Variants in CXorf58 observed in about 807,000 individuals in gnomAD.
CXorf58 encodes the protein chromosome X open reading frame 58.
A neutral mutation model predicts 26.0 loss-of-function variants in CXorf58; 24 were observed. That is an observed-to-expected ratio of 0.92 (90% CI 0.67 to 1.30). CXorf58 has a LOEUF of 1.30. Ranked by LOEUF, CXorf58 falls within the 50% of genes most tolerant of loss-of-function variation. The probability of loss-of-function intolerance (pLI) is 0.00; values close to 1 mark genes in which losing one functional copy is unlikely to be tolerated. For synonymous variants in CXorf58, 87 were observed against 86.1 expected (o/e 1.01, Z -0.06); for missense variants, 236 against 263.9 (o/e 0.89, Z 0.73).
intron 4 of CXorf58, 63 bp downstream of exon 4, chrX:23,915,857 T>C: frequency 6.3e-6 from 4 of 634,670 alleles, no homozygotes; most frequent in Non-Finnish European, 9.7e-6. Flanking sequence ...ATCTTAGATA[T>C]GGATTTTTTA....
At chrX:23,922,833 A>G (rs1219945864) in intron 5 of CXorf58, among the ~76,000 whole-genome samples, 8 of 112,494 alleles carry the variant, frequency 7.1e-5, no homozygotes, top group Non-Finnish European at 1.5e-4. Context: ...GAAACAGGAA[A>G]GTGTCTTGAG....
intron 6 of CXorf58, among the ~76,000 whole-genome samples, chrX:23,931,622 G>A (rs754433825): frequency 2.8e-4 from 31 of 112,229 alleles, no homozygotes; most frequent in Admixed American, 1.3e-3. Flanking sequence ...CCATAAAAAT[G>A]ACCAGCAAAT....
chrX:23,932,038 G>A (rs1486964043), intron 6 of CXorf58, among the ~76,000 whole-genome samples: 2 of 112,120 alleles, frequency 1.8e-5, no homozygotes, highest in Non-Finnish European at 3.8e-5. Context: ...GAATTGTATG[G>A]TATGTGAACC....
At chrX:23,925,970 G>A (rs948747305) in intron 5 of CXorf58, among the ~76,000 whole-genome samples, 2 of 105,947 alleles carry the variant, frequency 1.9e-5, no homozygotes, top group Non-Finnish European at 3.9e-5. Context: ...TGTATTTTTA[G>A]TAGAGACGGG....
In CXorf58 at chrX:23,910,382, A is replaced by G; in HGVS notation, c.80A>G (p.His27Arg). The G allele has an allele frequency of 8.5e-7, 1 of 1,178,875 alleles. No individual in the cohort carries two copies. Among genetic ancestry groups the G allele is most frequent in the Non-Finnish European group, 1.2e-6 (1 of 867,126 alleles). The change falls in exon 2 of 9, where the codon CAT (histidine) becomes CGT (arginine). Residue 27 changes from histidine to arginine, a missense_variant. Physicochemically the swap from His to Arg is conservative, Grantham distance 29. Coordinates refer to ENST00000379211, the MANE Select transcript of CXorf58 (RefSeq NM_152761.3). ...TCCTTACAAAAAGTTCGCAGAGTAC[A>G]TTTCGCAAATGCACGAAATGCAAGA... is the stretch of plus-strand genomic sequence containing the variant. The part of the protein sequence containing the change: ...TRSLQKVRRV[H>R]FANARNARSL...
In CXorf58 at chrX:23,939,344, GA is replaced by G. The variant is rs751537932; in HGVS notation, c.*46del. 3 of 985,904 alleles carry G rather than the reference GA, an allele frequency of 3.0e-6. No homozygotes were observed. The Admixed American group carries it at 8.8e-5, about 29-fold the overall frequency. The allele number at this position is 985,904 out of a possible 1,213,427, so 81.2% of individuals were successfully genotyped here. A position where few individuals can be genotyped will look rare whatever the true frequency, so the allele number is the denominator to read the frequency against. ...GGAATCTATGTCAGAGTGTCAGCTGGAAAAAGAAAAAAGGACTCATTTTCCT... is the reference window on the plus strand; with the variant it reads ...GGAATCTATGTCAGAGTGTCAGCTGGAAAAGAAAAAAGGACTCATTTTCCT... On this transcript the variant is annotated 3_prime_UTR_variant, in exon 9 of 9. Transcript: ENST00000379211.
chrX:23,932,068 A>G (rs923831723), intron 6 of CXorf58, among the ~76,000 whole-genome samples: 3 of 112,462 alleles, frequency 2.7e-5, no homozygotes, highest in South Asian at 3.6e-4. Context: ...CTGTGAAAAA[A>G]TAACTTACCA....
In CXorf58 at chrX:23,931,788, G is replaced by A. The variant is rs750481068; in HGVS notation, c.556-3408G>A. On this transcript the variant is annotated intron_variant, in intron 6 of 8. Coordinates refer to ENST00000379211, the MANE Select transcript of CXorf58 (RefSeq NM_152761.3). The stretch of plus-strand genomic sequence containing the variant: ...TTGAGGGTAGCCCAGGCAACATAGT[G>A]AGACCCCATCTCTGAAAACAAAACA... Among the ~76,000 whole-genome samples, 6 of 111,894 alleles carry A rather than the reference G, an allele frequency of 5.4e-5. No homozygotes were observed. In the East Asian group the frequency reaches 1.7e-3, roughly 31 times the overall value.
chrX:23,916,490 A>G, intron 5 of CXorf58, 162 bp downstream of exon 5: 2 of 252,048 alleles, frequency 7.9e-6, no homozygotes, highest in Non-Finnish European at 1.3e-5. Flanking sequence ...AAGTGTCTCC[A>G]CTTACTAGCT....
At chrX:23,910,586 A>G (rs1370709260) in intron 2 of CXorf58, among the ~76,000 whole-genome samples, 168 bp downstream of exon 2, 2 of 111,540 alleles carry the variant, frequency 1.8e-5, no homozygotes, top group African/African-American at 6.5e-5. Context: ...TTTACAAAGC[A>G]TATTAACACA....
intron 6 of CXorf58, among the ~76,000 whole-genome samples, chrX:23,929,993 C>G (rs1029602202): frequency 3.6e-5 from 4 of 109,690 alleles, no homozygotes; most frequent in Non-Finnish European, 7.6e-5. Context: ...GTCAGGAGAT[C>G]GAGACCATCC....
intron 6 of CXorf58, among the ~76,000 whole-genome samples, chrX:23,930,187 ACT>A (rs1345038448): frequency 1.0e-4 from 6 of 57,957 alleles, no homozygotes; most frequent in Non-Finnish European, 5.8e-5. Flanking sequence ...ACAGGGCAAG[ACT>A]CTGTCTCAAA....
At chrX:23,916,134 A>G (rs1272089875) in intron 4 of CXorf58, 83 bp from the exon 5 acceptor site, 1 of 530,134 alleles carries the variant, frequency 1.9e-6, no homozygotes, top group East Asian at 3.6e-5. Flanking sequence ...AAGAAACTAT[A>G]TGAACTATCT....
chrX:23,914,386 T>C (rs1474562872), intron 3 of CXorf58, among the ~76,000 whole-genome samples: 1 of 111,731 alleles, frequency 9.0e-6, no homozygotes, highest in Non-Finnish European at 1.9e-5. Context: ...GTGCCCAGCC[T>C]AAAAGCTCTT....
rs370656627 is a variant in CXorf58 at position 23,911,800 on chromosome X, T to C, written c.160T>C (p.Leu54=). The change falls in exon 3 of 9, where the codon TTA becomes CTA. Residue 54 remains leucine (L), a synonymous_variant. Transcript: ENST00000379211. ...ISAQIIQRAW[L]SHTNKMIFRL... ...AGCTCAAATAATACAGAGGGCTTGGTTATCTCATACAAACAAAATGATATT... is the reference window on the plus strand; with the variant it reads ...AGCTCAAATAATACAGAGGGCTTGGCTATCTCATACAAACAAAATGATATT... 3.3e-6 allele frequency: 4 copies of C among 1,201,872 alleles called. No homozygotes were observed. Among genetic ancestry groups the C allele is most frequent in the East Asian group, 3.0e-5 (1 of 33,715 alleles).
intron 3 of CXorf58, among the ~76,000 whole-genome samples, chrX:23,913,468 C>T (rs1326358272): frequency 6.4e-5 from 7 of 110,002 alleles, no homozygotes; most frequent in Non-Finnish European, 1.3e-4. Flanking sequence ...GGATTACAGG[C>T]GTGAGCCACC....
intron 7 of CXorf58, 93 bp from the exon 8 acceptor site, chrX:23,938,454 T>C (rs1025880895): frequency 2.8e-5 from 19 of 670,880 alleles, no homozygotes; most frequent in Non-Finnish European, 4.2e-5. Context: ...GTGATATATT[T>C]GCTAGAGAAA....
chrX:23,925,583 G>A (rs1366858228), intron 5 of CXorf58, among the ~76,000 whole-genome samples: 2 of 108,673 alleles, frequency 1.8e-5, no homozygotes, highest in African/African-American at 6.7e-5. Flanking sequence ...CCTGACCTCA[G>A]GCGATCCGCC....
intron 5 of CXorf58, among the ~76,000 whole-genome samples, chrX:23,918,650 G>C (rs1057102923): frequency 9.0e-6 from 1 of 111,679 alleles, no homozygotes; most frequent in Non-Finnish European, 1.9e-5. Context: ...GTTTTTCTGT[G>C]TACTTACTAT....
Sources: gnomAD v4.1 joint callset for allele counts (sites outside exome capture counted in the v4.1 genomes callset) on GRCh38, gnomAD v4.1.1 for gene constraint, MANE v1.5 for transcripts, NCBI Gene and HGNC (gene_info 2026-07-23, HGNC 2026-07-21) for gene names.